The following KCTD1 variants were observed in gnomAD, a reference collection of about 807,000 sequenced individuals.
KCTD1 encodes the protein BTB/POZ domain-containing protein KCTD1.
KCTD1 carries 24 observed loss-of-function variants against 66.0 expected under a neutral mutation model. The observed-to-expected ratio is 0.36, with a 90% CI of 0.26 to 0.51. The LOEUF (loss-of-function observed/expected upper bound fraction) is 0.51. Among genes scored for constraint, KCTD1 ranks in the 20% least tolerant of loss-of-function variants. The pLI is 0.95. For missense variants in KCTD1, 943 were observed against 1,205.2 expected (o/e 0.78, Z 3.22); for synonymous variants, 511 against 517.2 (o/e 0.99, Z 0.16).
chr18:26,535,297 G>A (rs545414904), intron 1 of KCTD1, among the ~76,000 whole-genome samples: 42 of 152,258 alleles, frequency 2.8e-4, no homozygotes, highest in African/African-American at 1.0e-3. Context: ...TGAATGAAGT[G>A]GCAAAGACTG....
intron 2 of KCTD1, among the ~76,000 whole-genome samples, chr18:26,496,901 T>C (rs1251005454): frequency 6.6e-6 from 1 of 152,210 alleles, no homozygotes; most frequent in Non-Finnish European, 1.5e-5. Flanking sequence ...GAAGGGATCA[T>C]ACATCTTGGT....
At chr18:26,512,959 C>A (rs112541971) in intron 1 of KCTD1, among the ~76,000 whole-genome samples, 7,319 of 151,838 alleles carry the variant, frequency 0.048, 325 homozygotes, top group African/African-American at 0.12. Context: ...CCAGCCTGGG[C>A]AACGCAGAAA....
chr18:26,502,750 C>T (rs1982831207), intron 1 of KCTD1, among the ~76,000 whole-genome samples: 1 of 152,092 alleles, frequency 6.6e-6, no homozygotes, highest in Non-Finnish European at 1.5e-5. Context: ...ATAATTTTAG[C>T]CAAAGATTGT....
intron 1 of KCTD1, among the ~76,000 whole-genome samples, chr18:26,615,743 C>A (rs754422972): frequency 6.6e-6 from 1 of 152,048 alleles, no homozygotes; most frequent in Non-Finnish European, 1.5e-5. Context: ...AAGGAAAGGA[C>A]GTGGACTGTA....
chr18:26,505,438 T>C (rs1982984307), intron 1 of KCTD1, among the ~76,000 whole-genome samples: 1 of 152,236 alleles, frequency 6.6e-6, no homozygotes, highest in African/African-American at 2.4e-5. Flanking sequence ...AGCTCTGTGA[T>C]AAAACTCCCT....
intron 2 of KCTD1, among the ~76,000 whole-genome samples, chr18:26,480,980 ATCAT>A (rs1398993203): frequency 6.6e-6 from 1 of 152,194 alleles, no homozygotes; most frequent in Non-Finnish European, 1.5e-5. Context: ...CTTAGCGTGA[ATCAT>A]TCATTAAGAA....
At chr18:26,642,942 C>A (rs979362544), upstream of KCTD1, among the ~76,000 whole-genome samples, 1 of 151,850 alleles carries the variant, frequency 6.6e-6, no homozygotes, top group Non-Finnish European at 1.5e-5. Flanking sequence ...CGTGCACTGG[C>A]GTGAGGGGAG....
upstream of KCTD1, among the ~76,000 whole-genome samples, chr18:26,643,771 G>T (rs1001686575): frequency 1.1e-4 from 16 of 152,166 alleles, no homozygotes; most frequent in Non-Finnish European, 2.1e-4. Flanking sequence ...GACCATCCTG[G>T]CTAACACGAT....
rs1893723332 is a variant in KCTD1 at position 26,454,958 on chromosome 18, G to A, written c.*785C>T. The A allele has an allele frequency of 6.6e-6, 1 of 152,628 alleles. No homozygotes were observed. Among genetic ancestry groups the A allele is most frequent in the Admixed American group, 6.5e-5 (1 of 15,284 alleles). 9.5% of individuals were successfully genotyped at this position (152,628 alleles called of 1,614,324 possible). Reference sequence around the variant, plus strand: ...TTAATCCAGCCTCACCCCCACATGTGTGTTTCACACAGACCTTATTTTTTA... The same window carrying A: ...TTAATCCAGCCTCACCCCCACATGTATGTTTCACACAGACCTTATTTTTTA... On this transcript the variant is annotated 3_prime_UTR_variant, in exon 5 of 5. Transcript: ENST00000580059.
intron 1 of KCTD1, chr18:26,545,275 T>C (rs895215065): frequency 6.6e-6 from 1 of 152,196 alleles, no homozygotes; most frequent in Admixed American, 6.5e-5. Context: ...CAGAAGAATA[T>C]GAACATTTAT....
At chr18:26,497,452 T>C (rs1187166680) in intron 2 of KCTD1, among the ~76,000 whole-genome samples, 4 of 152,144 alleles carry the variant, frequency 2.6e-5, no homozygotes, top group Non-Finnish European at 5.9e-5. Flanking sequence ...CCTAATGTCC[T>C]TGGATTTATC....
intron 2 of KCTD1, among the ~76,000 whole-genome samples, chr18:26,496,740 G>A (rs1982492064): frequency 1.4e-5 from 2 of 148,094 alleles, no homozygotes; most frequent in African/African-American, 2.5e-5. Context: ...AAAAGCATGT[G>A]CACACACACA....
chr18:26,514,996 T>C (rs1470294446), intron 1 of KCTD1, among the ~76,000 whole-genome samples: 1 of 152,212 alleles, frequency 6.6e-6, no homozygotes, highest in Non-Finnish European at 1.5e-5. Context: ...ACAATCATCC[T>C]CCTCAGTATT....
chr18:26,632,474 G>A (rs1479735942), upstream of KCTD1, among the ~76,000 whole-genome samples: 1 of 152,146 alleles, frequency 6.6e-6, no homozygotes, highest in Non-Finnish European at 1.5e-5. Flanking sequence ...CTTTGTCATG[G>A]AAGAGTTAGT....
At chr18:26,558,169 A>G (rs1378721345) in intron 1 of KCTD1, among the ~76,000 whole-genome samples, 1 of 152,240 alleles carries the variant, frequency 6.6e-6, no homozygotes, top group African/African-American at 2.4e-5. Context: ...TCTCAAAAGA[A>G]GACATACAAA....
At chr18:26,529,856 T>G (rs886635391) in intron 1 of KCTD1, among the ~76,000 whole-genome samples, 7 of 152,230 alleles carry the variant, frequency 4.6e-5, no homozygotes, top group African/African-American at 1.7e-4. Flanking sequence ...ACAGGATTAG[T>G]GACAATAGTC....
intron 1 of KCTD1, chr18:26,600,193 G>A: frequency 2.5e-6 from 4 of 1,600,282 alleles, no homozygotes; most frequent in Non-Finnish European, 3.4e-6. Context: ...GAAGTCAAGG[G>A]AACAGATGAG....
At chr18:26,609,546 T>C (rs183619220) in intron 1 of KCTD1, among the ~76,000 whole-genome samples, 133 of 152,364 alleles carry the variant, frequency 8.7e-4, no homozygotes, top group Admixed American at 2.2e-3. Context: ...CTTTGTTCTT[T>C]AAAATCCTGG....
At chr18:26,479,132 A>C (rs1981496521) in intron 2 of KCTD1, among the ~76,000 whole-genome samples, 1 of 152,238 alleles carries the variant, frequency 6.6e-6, no homozygotes, top group Non-Finnish European at 1.5e-5. Context: ...CTGCAAAGAG[A>C]AGAGCAAGAG....
Sources: gnomAD v4.1 joint callset for allele counts (sites outside exome capture counted in the v4.1 genomes callset) on GRCh38, gnomAD v4.1.1 for gene constraint, MANE v1.5 for transcripts, NCBI Gene and HGNC (gene_info 2026-07-23, HGNC 2026-07-21) for gene names.